RBMS1: variants seen among roughly 807,000 people sequenced by gnomAD.
RBMS1 encodes the protein RNA binding motif single stranded interacting protein 1.
In RBMS1, 17 loss-of-function variants were observed where a neutral mutation model predicts 62.3. The ratio of observed to expected loss-of-function variants is 0.27; its 90% CI spans 0.19 to 0.41. The LOEUF is 0.41. RBMS1 is among the 10% of genes least tolerant of loss of function. The pLI, the probability that RBMS1 is intolerant of heterozygous loss-of-function variation, is 1.00. For synonymous variants in RBMS1, 172 were observed against 170.0 expected, an observed-to-expected ratio of 1.01 and a Z score of -0.09; for missense variants, 334 against 504.5, an observed-to-expected ratio of 0.66 and a Z score of 3.24.
intron 1 of RBMS1, among the ~76,000 whole-genome samples, chr2:160,483,819 A>G (rs1685469406): frequency 6.6e-6 from 1 of 152,132 alleles, no homozygotes; most frequent in African/African-American, 2.4e-5. Context: ...CTTGCTGGAT[A>G]GGGGTATGGA....
intron 1 of RBMS1, among the ~76,000 whole-genome samples, chr2:160,406,309 A>G (rs552223504): frequency 2.2e-4 from 34 of 152,324 alleles, no homozygotes; most frequent in Admixed American, 2.2e-3. Flanking sequence ...CATACACACA[A>G]AAAAGAATGA....
At chr2:160,300,568 T>C in intron 6 of RBMS1, 83 bp downstream of exon 6, 1 of 1,416,016 alleles carries the variant, frequency 7.1e-7, no homozygotes, top group Non-Finnish European at 9.2e-7. Context: ...GGGGTTTTTG[T>C]TCTATTGAAG....
intron 1 of RBMS1, among the ~76,000 whole-genome samples, chr2:160,414,397 T>C (rs1312837505): frequency 6.6e-6 from 1 of 152,108 alleles, no homozygotes; most frequent in Admixed American, 6.6e-5. Flanking sequence ...ATGGCTGAGA[T>C]GGTGGTTAGG....
chr2:160,398,071 G>A (rs1193509128), intron 1 of RBMS1, among the ~76,000 whole-genome samples: 1 of 152,118 alleles, frequency 6.6e-6, no homozygotes. Flanking sequence ...CCAGAGCTCC[G>A]GTTCTCTAAC....
chr2:160,387,354 T>G (rs1287251657), intron 1 of RBMS1, among the ~76,000 whole-genome samples: 1 of 151,960 alleles, frequency 6.6e-6, no homozygotes, highest in African/African-American at 2.4e-5. Context: ...TGAATAAGAA[T>G]TGGGTAAATC....
At chr2:160,472,372 C>CA (rs552690559) in intron 1 of RBMS1, among the ~76,000 whole-genome samples, 18 of 151,960 alleles carry the variant, frequency 1.2e-4, no homozygotes, top group East Asian at 9.7e-4. Flanking sequence ...CTATTTTCCT[C>CA]AAAAAAAATT....
chr2:160,426,034 C>T lies in RBMS1; in HGVS notation c.76-58643G>A, dbSNP rs116602057. Among the ~76,000 whole-genome samples, 1,269 of 152,108 alleles carry T rather than the reference C, an allele frequency of 8.3e-3. 6 individuals are homozygous for T. Among genetic ancestry groups the T allele is most frequent in the Non-Finnish European group, 0.014 (934 of 67,990 alleles). On this transcript the variant is annotated intron_variant, in intron 1 of 13. Transcript: ENST00000348849. ...AAGAAGGAAATAATTTAATGTCAGG[C>T]AGCACCACCTGCTCATTTAAGGCAA...
chr2:160,429,969 A>G (rs1682820941), intron 1 of RBMS1, among the ~76,000 whole-genome samples: 1 of 152,256 alleles, frequency 6.6e-6, no homozygotes, highest in Admixed American at 6.5e-5. Context: ...CACCCTGTAA[A>G]GAAATCTGGG....
chr2:160,393,863 G>T (rs1262927898), intron 1 of RBMS1, among the ~76,000 whole-genome samples: 4 of 151,960 alleles, frequency 2.6e-5, no homozygotes, highest in Non-Finnish European at 5.9e-5. Context: ...CTGGGTTCTA[G>T]TCCTGGTTTT....
chr2:160,411,022 C>T (rs922201270), intron 1 of RBMS1, among the ~76,000 whole-genome samples: 1 of 152,102 alleles, frequency 6.6e-6, no homozygotes, highest in Non-Finnish European at 1.5e-5. Flanking sequence ...GATTACAGGC[C>T]TGAGCCACCG....
At chr2:160,354,857 G>C (rs957187942) in intron 2 of RBMS1, among the ~76,000 whole-genome samples, 1 of 152,112 alleles carries the variant, frequency 6.6e-6, no homozygotes, top group Non-Finnish European at 1.5e-5. Context: ...CGCATAGACA[G>C]GCAAGAGGAG....
intron 12 of RBMS1, among the ~76,000 whole-genome samples, chr2:160,276,844 A>G (rs924584174): frequency 6.6e-6 from 1 of 152,218 alleles, no homozygotes; most frequent in Non-Finnish European, 1.5e-5. Context: ...GAGACAAGAC[A>G]GAACGTCCGA....
chr2:160,324,387 GGTT>G (rs1323905200), intron 2 of RBMS1, among the ~76,000 whole-genome samples: 1 of 152,084 alleles, frequency 6.6e-6, no homozygotes, highest in African/African-American at 2.4e-5. Flanking sequence ...TGGCGACAAT[GGTT>G]GTTAAGTTAT....
At chr2:160,441,982 T>C (rs919301751) in intron 1 of RBMS1, among the ~76,000 whole-genome samples, 1 of 152,224 alleles carries the variant, frequency 6.6e-6, no homozygotes, top group Non-Finnish European at 1.5e-5. Context: ...CCTTTTCAAG[T>C]ATTTAATTGG....
chr2:160,407,707 C>T, intron 1 of RBMS1: 2 of 981,640 alleles, frequency 2.0e-6, no homozygotes, highest in South Asian at 9.3e-5. Context: ...CTGACTTCCC[C>T]TCCGCCTTCG....
intron 13 of RBMS1, chr2:160,275,407 A>T: frequency 1.4e-6 from 1 of 714,484 alleles, no homozygotes; most frequent in Non-Finnish European, 1.9e-6. Flanking sequence ...TGGGGAGAGT[A>T]TACATTTGGC....
In RBMS1 at chr2:160,400,135, TATACAC is replaced by T. The variant is rs1393382697; in HGVS notation, c.76-32750_76-32745del. Among the ~76,000 whole-genome samples, 21 of 152,176 alleles carry T rather than the reference TATACAC, an allele frequency of 1.4e-4. 1 individual carries two copies. Among genetic ancestry groups the T allele is most frequent in the Non-Finnish European group, 1.5e-5 (1 of 68,030 alleles). On this transcript the variant is annotated intron_variant, in intron 1 of 13. Transcript: ENST00000348849. ...AGACACACTGAAAACTCCCCTGGGT[TATACAC>T]TAACAGCTGCTTCTACAATGCTGAC...
intron 5 of RBMS1, 141 bp from the exon 6 acceptor site, chr2:160,300,871 T>A: frequency 1.1e-6 from 1 of 932,458 alleles, no homozygotes; most frequent in Non-Finnish European, 1.5e-6. Context: ...AAAGGGTCTA[T>A]TCTACCTTTT....
intron 1 of RBMS1, among the ~76,000 whole-genome samples, chr2:160,486,660 A>G (rs1198674299): frequency 6.6e-6 from 1 of 152,184 alleles, no homozygotes; most frequent in African/African-American, 2.4e-5. Flanking sequence ...AGAGGTGAAT[A>G]TCTTATTTTG....
Sources: gnomAD v4.1 joint callset for allele counts (sites outside exome capture counted in the v4.1 genomes callset) on GRCh38, gnomAD v4.1.1 for gene constraint, MANE v1.5 for transcripts, NCBI Gene and HGNC (gene_info 2026-07-23, HGNC 2026-07-21) for gene names.